Variants in NAPB observed in about 807,000 individuals in gnomAD.
NAPB encodes the protein NSF attachment protein beta.
NAPB carries 26 observed loss-of-function variants against 44.7 expected under a neutral mutation model. The ratio of observed to expected loss-of-function variants is 0.58; its 90% CI spans 0.43 to 0.81. The LOEUF is 0.81. NAPB is among the 30% of genes least tolerant of loss of function. The pLI is 0.00. For synonymous variants in NAPB, 120 were observed against 116.8 expected, an observed-to-expected ratio of 1.03 and a Z score of -0.18; for missense variants, 315 against 356.4, an observed-to-expected ratio of 0.88 and a Z score of 0.94.
chr20:23,379,827 G>C, intron 9 of NAPB, 40 bp downstream of exon 9: 1 of 1,513,624 alleles, frequency 6.6e-7, no homozygotes, highest in Non-Finnish European at 9.2e-7. Flanking sequence ...TCACCTAACA[G>C]AACAAAAGCA....
At chr20:23,417,358 A>C (rs937128019) in intron 1 of NAPB, among the ~76,000 whole-genome samples, 10 of 152,224 alleles carry the variant, frequency 6.6e-5, no homozygotes, top group African/African-American at 2.4e-4. Flanking sequence ...TGCTGGGATT[A>C]CAGGCGTGAG....
intron 5 of NAPB, among the ~76,000 whole-genome samples, chr20:23,391,340 G>A (rs1983945058): frequency 6.6e-6 from 1 of 152,076 alleles, no homozygotes; most frequent in African/African-American, 2.4e-5. Context: ...AAAAATAAGT[G>A]TCTACCGGAG....
intron 1 of NAPB, among the ~76,000 whole-genome samples, chr20:23,408,397 C>T: frequency 6.6e-6 from 1 of 152,198 alleles, no homozygotes; most frequent in South Asian, 2.1e-4. Context: ...AAACTGTCCA[C>T]ATTCATTTTT....
At chr20:23,417,251 T>C (rs1354984487) in intron 1 of NAPB, among the ~76,000 whole-genome samples, 1 of 152,068 alleles carries the variant, frequency 6.6e-6, no homozygotes, top group Non-Finnish European at 1.5e-5. Context: ...GCCAGGCTAA[T>C]TTTTGTATTT....
chr20:23,392,353 T>C (rs1269538230), intron 5 of NAPB, among the ~76,000 whole-genome samples: 1 of 152,204 alleles, frequency 6.6e-6, no homozygotes, highest in East Asian at 1.9e-4. Context: ...TGTTCTTTTA[T>C]AGCTGCATTT....
chr20:23,386,591 A>G lies in NAPB; in HGVS notation c.561+3355T>C, dbSNP rs561073228. On this transcript the variant is annotated intron_variant, in intron 7 of 10. Coordinates refer to ENST00000377026, the MANE Select transcript of NAPB (RefSeq NM_022080.3). Reference sequence around the variant, plus strand: ...CTTACAAAAAGTAAAGTCAGCCACAAGGGTGGTCAACATCTATGTCACTGG... The same window carrying G: ...CTTACAAAAAGTAAAGTCAGCCACAGGGGTGGTCAACATCTATGTCACTGG... Among the ~76,000 whole-genome samples, 19 of 152,372 alleles carry G rather than the reference A, an allele frequency of 1.2e-4. No homozygotes were observed. The East Asian group carries it at 3.1e-3, about 25-fold the overall frequency.
intron 5 of NAPB, 141 bp from the exon 6 acceptor site, chr20:23,390,405 T>C: frequency 1.4e-6 from 1 of 690,168 alleles, no homozygotes; most frequent in Non-Finnish European, 2.5e-6. Context: ...CTTTAGGAAA[T>C]ACAAGAAAGC....
At chr20:23,382,092 C>T (rs1983054921) in intron 7 of NAPB, among the ~76,000 whole-genome samples, 1 of 152,188 alleles carries the variant, frequency 6.6e-6, no homozygotes, top group African/African-American at 2.4e-5. Context: ...CTTTCTCCAG[C>T]TGGTGTGCTG....
At chr20:23,381,606 C>A (rs921594047) in intron 7 of NAPB, among the ~76,000 whole-genome samples, 1 of 152,166 alleles carries the variant, frequency 6.6e-6, no homozygotes, top group African/African-American at 2.4e-5. Context: ...AAGCCCAGGT[C>A]ATTTTCTAAA....
At chr20:23,411,539 C>T (rs1020368089) in intron 1 of NAPB, among the ~76,000 whole-genome samples, 17 of 151,948 alleles carry the variant, frequency 1.1e-4, no homozygotes, top group Non-Finnish European at 4.4e-5. Flanking sequence ...CTGGTGGTGT[C>T]ACTGCATATG....
At chr20:23,392,026 A>G (rs967416529) in intron 5 of NAPB, among the ~76,000 whole-genome samples, 1 of 152,236 alleles carries the variant, frequency 6.6e-6, no homozygotes, top group African/African-American at 2.4e-5. Context: ...AAAACAGGCC[A>G]TGGAACTATA....
At chr20:23,379,536 T>C in intron 9 of NAPB, 41 bp from the exon 10 acceptor site, 1 of 1,426,184 alleles carries the variant, frequency 7.0e-7, no homozygotes, top group Non-Finnish European at 9.7e-7. Context: ...TTCTGTAAGA[T>C]GAAGTCCCAT....
intron 7 of NAPB, among the ~76,000 whole-genome samples, chr20:23,386,654 C>T (rs1983548476): frequency 6.6e-6 from 1 of 152,210 alleles, no homozygotes; most frequent in African/African-American, 2.4e-5. Context: ...TTCAGGGGAG[C>T]TTCCTTGGTT....
At chr20:23,412,339 T>C (rs553107893) in intron 1 of NAPB, among the ~76,000 whole-genome samples, 1 of 152,260 alleles carries the variant, frequency 6.6e-6, no homozygotes, top group Admixed American at 6.5e-5. Flanking sequence ...ATGATCCTCT[T>C]ACATAATACA....
At chr20:23,414,702 T>A (rs1357850471) in intron 1 of NAPB, among the ~76,000 whole-genome samples, 1 of 152,190 alleles carries the variant, frequency 6.6e-6, no homozygotes. Flanking sequence ...CTGTGAACTT[T>A]ATTAGTCACT....
At chr20:23,404,729 A>T (rs1390687054) in intron 1 of NAPB, among the ~76,000 whole-genome samples, 1 of 152,248 alleles carries the variant, frequency 6.6e-6, no homozygotes, top group Non-Finnish European at 1.5e-5. Flanking sequence ...AACCTTTGGG[A>T]ATATTACATT....
At chr20:23,396,468 C>CGG (rs1984371797) in intron 3 of NAPB, among the ~76,000 whole-genome samples, 1 of 152,144 alleles carries the variant, frequency 6.6e-6, no homozygotes, top group African/African-American at 2.4e-5. Flanking sequence ...CCGCTGTGCA[C>CGG]GCGTGTGGAA....
intron 1 of NAPB, among the ~76,000 whole-genome samples, chr20:23,419,036 A>G (rs1358697481): frequency 2.0e-5 from 3 of 152,146 alleles, no homozygotes; most frequent in African/African-American, 7.2e-5. Flanking sequence ...AAATAACTGG[A>G]GCTGATAATT....
intron 1 of NAPB, among the ~76,000 whole-genome samples, chr20:23,412,836 A>T (rs1022191473): frequency 6.6e-6 from 1 of 152,192 alleles, no homozygotes; most frequent in Non-Finnish European, 1.5e-5. Context: ...TCTCTACTAA[A>T]TATACAAAAA....
Sources: allele counts gnomAD v4.1 joint callset (sites outside exome capture counted in the v4.1 genomes callset), GRCh38; gene constraint gnomAD v4.1.1; transcripts MANE v1.5; gene names NCBI Gene and HGNC (gene_info 2026-07-23, HGNC 2026-07-21).